Variants in NDUFAF5 observed in about 807,000 individuals in gnomAD.
The protein encoded by NDUFAF5 is NADH:ubiquinone oxidoreductase complex assembly factor 5.
In NDUFAF5, 34 loss-of-function variants were observed where a neutral mutation model predicts 48.9. The observed-to-expected ratio is 0.70, with a 90% CI of 0.53 to 0.93. The LOEUF is 0.93. NDUFAF5 is among the 40% of genes least tolerant of loss of function. NDUFAF5 has a pLI of 0.00. For synonymous variants in NDUFAF5, 153 were observed against 150.6 expected (o/e 1.02, Z -0.12); for missense variants, 428 against 427.5 (o/e 1.00, Z -0.01).
chr20:13,789,156 A>G (rs1352857727), intron 3 of NDUFAF5, among the ~76,000 whole-genome samples: 2 of 152,214 alleles, frequency 1.3e-5, no homozygotes, highest in Admixed American at 6.5e-5. Flanking sequence ...GGACACAAAG[A>G]TGAAAGTGGA....
chr20:13,815,028 T>C (rs1000988814), intron 8 of NDUFAF5, among the ~76,000 whole-genome samples: 3 of 152,226 alleles, frequency 2.0e-5, no homozygotes, highest in African/African-American at 7.2e-5. Context: ...GAGAGTGTTA[T>C]GCCTACTAAT....
At position 13,817,845 on chromosome 20, in the gene NDUFAF5, G is replaced by GGCT; in HGVS notation, c.*636_*638dup. The GGCT allele has an allele frequency of 2.2e-6, 1 of 453,976 alleles. No homozygotes were observed. The highest frequency in any genetic ancestry group is 4.4e-6 in the Non-Finnish European group (1 of 226,772). The allele number at this position is 453,976 out of a possible 1,614,324, so 28.1% of individuals were successfully genotyped here. A position where few individuals can be genotyped will look rare whatever the true frequency, so the allele number is the denominator to read the frequency against. ...GTTAAGCTTTCCTTTGTAATTTCAG[G>GGCT]GCTTAAGCACTATTATCCTAATCCA... On this transcript the variant is annotated 3_prime_UTR_variant, in exon 11 of 11. Coordinates refer to ENST00000378106, the MANE Select transcript of NDUFAF5 (RefSeq NM_024120.5).
Position 13,817,101 on chromosome 20 carries a change from ATCTT to A in NDUFAF5, c.946-15_946-12del, listed in dbSNP as rs767902054. 2 of 1,609,020 alleles carry A rather than the reference ATCTT, an allele frequency of 1.2e-6. No individual in the cohort carries two copies. The highest frequency in any genetic ancestry group is 3.3e-5 in the Admixed American group (2 of 60,014). On this transcript the variant is annotated splice_polypyrimidine_tract_variant and intron_variant, in intron 10 of 10. Transcript: ENST00000378106. ...TATCTATCTATTTCTAATATCTTTA[ATCTT>A]TATTATTTTCAGGCAAGACCAGCTG...
chr20:13,803,256 G>A (rs776532159), intron 7 of NDUFAF5: 6 of 152,194 alleles, frequency 3.9e-5, no homozygotes, highest in Non-Finnish European at 5.9e-5. Context: ...GAGAACCCCG[G>A]AGGCTTCACA....
rs930152987 is a variant in NDUFAF5, at chr20:13,821,316, C to T, written c.*4106C>T. The T allele has an allele frequency of 2.0e-5, 3 of 152,232 alleles. No homozygotes were observed. The highest frequency in any genetic ancestry group is 6.5e-5 in the Admixed American group (1 of 15,284). 9.4% of individuals were successfully genotyped at this position (152,232 alleles called of 1,614,324 possible). ...TCCTTACTCTCTCTTGGATCCTTCA[C>T]TCTAGGGAAAGCCAGCAGCCATATT... On this transcript the variant is annotated 3_prime_UTR_variant, in exon 11 of 11. Coordinates refer to ENST00000378106, the MANE Select transcript of NDUFAF5 (RefSeq NM_024120.5).
Position 13,788,614 on chromosome 20 carries a change from G to A in NDUFAF5, c.289G>A (p.Gly97Ser), listed in dbSNP as rs746405080. The part of the protein sequence containing the change: ...PRNFPLALDL[G>S]CGRGYIAQYL... ...AAATTTCCCCCTTGCTTTGGATCTT[G>A]GTTGTGGAAGAGGTTACATTGCACA... Residue 97 changes from glycine (G) to serine (S), a missense_variant, in exon 3 of 11, where the codon GGT (glycine) becomes AGT (serine). Coordinates refer to ENST00000378106, the MANE Select transcript of NDUFAF5 (RefSeq NM_024120.5). 1 of 1,612,292 alleles carries A rather than the reference G, an allele frequency of 6.2e-7. No individual in the cohort carries two copies. Among genetic ancestry groups the A allele is most frequent in the Non-Finnish European group, 8.5e-7 (1 of 1,178,566 alleles).
In NDUFAF5 at chr20:13,820,101, C is replaced by CT. The variant is rs1207284238; in HGVS notation, c.*2892dup. 2.0e-5 allele frequency: 3 copies of CT among 152,120 alleles called. No individual in the cohort carries two copies. Among genetic ancestry groups the CT allele is most frequent in the Non-Finnish European group, 4.4e-5 (3 of 68,040 alleles). 9.4% of individuals were successfully genotyped at this position (152,120 alleles called of 1,614,324 possible). A position where few individuals can be genotyped will look rare whatever the true frequency, so the allele number is the denominator to read the frequency against. The stretch of plus-strand genomic sequence containing the variant: ...GTGACACCTGTTGGCTGCCAGGAGA[C>CT]TGTTTGGCTTATTTCCTGGTTCTTA... On this transcript the variant is annotated 3_prime_UTR_variant, in exon 11 of 11. Transcript: ENST00000378106.
At chr20:13,789,067 A>G (rs1035383343) in intron 3 of NDUFAF5, among the ~76,000 whole-genome samples, 3 of 152,160 alleles carry the variant, frequency 2.0e-5, no homozygotes, top group Non-Finnish European at 4.4e-5. Context: ...TGCTTATAAC[A>G]TTGTATTTTG....
rs537494213 is a variant in NDUFAF5, at chr20:13,796,810, C to G, written c.480-1651C>G. Among the ~76,000 whole-genome samples the G allele has an allele frequency of 2.6e-5, 4 of 152,272 alleles. No homozygotes were observed. The East Asian group carries it at 7.7e-4, about 29-fold the overall frequency. ...CCTGGGCTACGTGGTGAAACCCTGT[C>G]TTTACTAAAAATACAAAAATTAGCT... On this transcript the variant is annotated intron_variant, in intron 5 of 10. Transcript: ENST00000378106.
chr20:13,809,016 T>C, intron 8 of NDUFAF5, 114 bp downstream of exon 8: 1 of 735,174 alleles, frequency 1.4e-6, no homozygotes, highest in Non-Finnish European at 2.5e-6. Flanking sequence ...TGGCAGGCAC[T>C]GGGCAAAGCA....
At chr20:13,794,554 T>C (rs1982869063) in intron 4 of NDUFAF5, among the ~76,000 whole-genome samples, 2 of 152,212 alleles carry the variant, frequency 1.3e-5, no homozygotes, top group African/African-American at 4.8e-5. Flanking sequence ...GCAGGGATTA[T>C]AGGCGTGAGC....
At chr20:13,785,413 G>A (rs1237248303) in intron 1 of NDUFAF5, 123 bp downstream of exon 1, 4 of 738,120 alleles carry the variant, frequency 5.4e-6, no homozygotes, top group East Asian at 2.7e-5. Context: ...CAGCAGCCCT[G>A]CCTCTTTCGG....
At position 13,801,674 on chromosome 20, in the gene NDUFAF5, TCTGA is replaced by T. The variant is rs1386317763; in HGVS notation, c.712_715del (p.Thr238TrpfsTer16). On this transcript the variant is annotated frameshift_variant, in exon 7 of 11. Coordinates refer to ENST00000378106, the MANE Select transcript of NDUFAF5 (RefSeq NM_024120.5). LOFTEE classifies it high-confidence loss of function. ...TGCTTGGGAGAGCTGGCTTTAATAC[TCTGA>T]CTGTGGTAACTATCAAGTTCGATTA... The T allele has an allele frequency of 6.2e-7, 1 of 1,613,608 alleles. No homozygotes were observed. Among genetic ancestry groups the T allele is most frequent in the East Asian group, 2.2e-5 (1 of 44,870 alleles).
chr20:13,787,073 G>A lies in NDUFAF5; in HGVS notation c.223-239G>A, dbSNP rs1251199544. 9.0e-6 allele frequency: 5 copies of A among 552,684 alleles called. No individual in the cohort carries two copies. The African/African-American group carries it at 9.5e-5, about 10-fold the overall frequency. The allele number at this position is 552,684 out of a possible 1,614,324, so 34.2% of individuals were successfully genotyped here. On this transcript the variant is annotated intron_variant, in intron 1 of 10. Coordinates refer to ENST00000378106, the MANE Select transcript of NDUFAF5 (RefSeq NM_024120.5). ...AAAGGCCACATATATATATGTGTGT[G>A]TGTGTGTGTGTATATGTATATTTTT...
At chr20:13,802,261 T>C (rs2147557377) in intron 7 of NDUFAF5, among the ~76,000 whole-genome samples, 1 of 152,236 alleles carries the variant, frequency 6.6e-6, no homozygotes, top group Middle Eastern at 3.4e-3. Flanking sequence ...GGTGACGGGG[T>C]AGGACAGTAG....
At chr20:13,791,003 A>C (rs1406565235) in intron 3 of NDUFAF5, among the ~76,000 whole-genome samples, 3 of 152,224 alleles carry the variant, frequency 2.0e-5, no homozygotes, top group Non-Finnish European at 4.4e-5. Context: ...ATTTTTGATC[A>C]CTACTAAATC....
intron 8 of NDUFAF5, chr20:13,814,600 G>A: frequency 1.5e-6 from 1 of 654,794 alleles, no homozygotes; most frequent in South Asian, 1.5e-5. Flanking sequence ...ATAAGCAGTT[G>A]AACTTCACCT....
rs1406152393 is a variant in NDUFAF5, at chr20:13,785,254, G to T, written c.186G>T (p.Gln62His). ...AACAGAAGAACTGGGCAGCCCGGCA[G>T]CCCGAGCCGACCAAATTTGACTACC... is the stretch of plus-strand genomic sequence containing the variant. ...KRKQKNWAAR[Q>H]PEPTKFDYLK... is the part of the protein sequence containing the mutation. Residue 62 changes from glutamine to histidine, a missense_variant, in exon 1 of 11, where the codon CAG becomes CAT. By Grantham distance (24) the Gln-to-His change is conservative. Transcript: ENST00000378106. 2 of 1,612,754 alleles carry T rather than the reference G, an allele frequency of 1.2e-6. No individual in the cohort carries two copies. Among genetic ancestry groups the T allele is most frequent in the African/African-American group, 2.7e-5 (2 of 74,924 alleles).
At chr20:13,807,837 T>A (rs911870217) in intron 7 of NDUFAF5, among the ~76,000 whole-genome samples, 1 of 151,596 alleles carries the variant, frequency 6.6e-6, no homozygotes, top group African/African-American at 2.4e-5. Flanking sequence ...TAATCCCAGC[T>A]ACTCGGGAGG....
Sources: allele counts gnomAD v4.1 joint callset (sites outside exome capture counted in the v4.1 genomes callset), GRCh38; gene constraint gnomAD v4.1.1; transcripts MANE v1.5; gene names NCBI Gene and HGNC (gene_info 2026-07-23, HGNC 2026-07-21).